CHRM3: variants seen among roughly 807,000 people sequenced by gnomAD.
CHRM3 encodes muscarinic acetylcholine receptor M3.
A neutral mutation model predicts 41.8 loss-of-function variants in CHRM3; 11 were observed. The ratio of observed to expected loss-of-function variants is 0.26; its 90% CI spans 0.17 to 0.44. The LOEUF (loss-of-function observed/expected upper bound fraction) is 0.44. Among genes scored for constraint, CHRM3 ranks in the 20% least tolerant of loss-of-function variants. The pLI is 1.00. For missense variants in CHRM3, 571 were observed against 745.4 expected (o/e 0.77, Z 2.72); for synonymous variants, 297 against 301.4 (o/e 0.99, Z 0.15).
At chr1:239,634,552 T>A (rs187437074) in intron 4 of CHRM3, among the ~76,000 whole-genome samples, 1 of 151,892 alleles carries the variant, frequency 6.6e-6, no homozygotes, top group Admixed American at 6.5e-5. Flanking sequence ...CTTTTCTTTT[T>A]TTTTTTGAAA....
At chr1:239,654,239 G>A (rs1271420653) in intron 4 of CHRM3, among the ~76,000 whole-genome samples, 2 of 152,146 alleles carry the variant, frequency 1.3e-5, no homozygotes, top group Admixed American at 6.5e-5. Flanking sequence ...TAAATCCTGG[G>A]ATTACAGGTG....
intron 2 of CHRM3, among the ~76,000 whole-genome samples, chr1:239,516,660 A>G (rs890022678): frequency 7.9e-5 from 12 of 152,186 alleles, no homozygotes; most frequent in African/African-American, 2.9e-4. Flanking sequence ...GGGAAGATTA[A>G]TGCAGGGCCC....
chr1:239,787,077 A>G (rs1668963643), intron 5 of CHRM3, among the ~76,000 whole-genome samples: 1 of 152,206 alleles, frequency 6.6e-6, no homozygotes. Context: ...TGAGAAAAAA[A>G]TTCAAATCTA....
At chr1:239,788,040 G>A (rs1034244446) in intron 5 of CHRM3, among the ~76,000 whole-genome samples, 1 of 152,050 alleles carries the variant, frequency 6.6e-6, no homozygotes, top group South Asian at 2.1e-4. Context: ...GAAAAGACTA[G>A]CCTGGGCAAC....
At chr1:239,518,887 G>T (rs1211463997) in intron 2 of CHRM3, among the ~76,000 whole-genome samples, 1 of 152,128 alleles carries the variant, frequency 6.6e-6, no homozygotes, top group Non-Finnish European at 1.5e-5. Context: ...TAATGTATTT[G>T]CATTGTACAA....
At chr1:239,535,741 C>A (rs557885830) in intron 2 of CHRM3, among the ~76,000 whole-genome samples, 1 of 152,098 alleles carries the variant, frequency 6.6e-6, no homozygotes, top group South Asian at 2.1e-4. Context: ...GCTCTTGAAA[C>A]TTCTGAAGCT....
chr1:239,773,582 G>A (rs1225379391), intron 5 of CHRM3, among the ~76,000 whole-genome samples: 1 of 152,108 alleles, frequency 6.6e-6, no homozygotes, highest in African/African-American at 2.4e-5. Context: ...CCACATTCCA[G>A]GCAGGAATGA....
chr1:239,771,759 T>G (rs1472642784), intron 5 of CHRM3, among the ~76,000 whole-genome samples: 1 of 152,236 alleles, frequency 6.6e-6, no homozygotes, highest in African/African-American at 2.4e-5. Context: ...CAAATGGGTG[T>G]GGCTGTCTTC....
chr1:239,456,069 G>T (rs1462030287), intron 1 of CHRM3, among the ~76,000 whole-genome samples: 4 of 152,164 alleles, frequency 2.6e-5, no homozygotes, highest in Non-Finnish European at 4.4e-5. Context: ...CAGGAACTAG[G>T]GAGGGGCAAG....
intron 1 of CHRM3, among the ~76,000 whole-genome samples, chr1:239,457,966 A>G (rs1266708620): frequency 6.6e-6 from 1 of 152,140 alleles, no homozygotes; most frequent in Non-Finnish European, 1.5e-5. Context: ...GGGAAGGTAG[A>G]AATTTGTGGG....
At chr1:239,736,947 A>G (rs1020318919) in intron 5 of CHRM3, among the ~76,000 whole-genome samples, 2 of 152,196 alleles carry the variant, frequency 1.3e-5, no homozygotes, top group African/African-American at 4.8e-5. Context: ...ATATACTTAT[A>G]TAACACATTT....
chr1:239,417,194 G>A (rs1226526894), intron 1 of CHRM3, among the ~76,000 whole-genome samples: 2 of 152,200 alleles, frequency 1.3e-5, no homozygotes, highest in South Asian at 4.1e-4. Context: ...GTGAATATGC[G>A]TTGCTCACAC....
intron 4 of CHRM3, among the ~76,000 whole-genome samples, chr1:239,641,601 TG>T (rs1671160229): frequency 6.8e-6 from 1 of 147,616 alleles, no homozygotes. Flanking sequence ...TGCCTTTTTT[TG>T]TTTTCCATTT....
intron 1 of CHRM3, among the ~76,000 whole-genome samples, chr1:239,445,374 G>A (rs1014808881): frequency 1.3e-5 from 2 of 152,162 alleles, no homozygotes; most frequent in Non-Finnish European, 2.9e-5. Context: ...GTGATCAGCC[G>A]TGTGGCAGAG....
chr1:239,474,861 TA>T (rs1666363455), intron 1 of CHRM3, among the ~76,000 whole-genome samples: 1 of 152,108 alleles, frequency 6.6e-6, no homozygotes, highest in Non-Finnish European at 1.5e-5. Context: ...TCACTTTTTT[TA>T]AAATCATGAA....
intron 6 of CHRM3, among the ~76,000 whole-genome samples, chr1:239,900,393 T>C (rs74932013): frequency 6.6e-6 from 1 of 151,530 alleles, no homozygotes; most frequent in African/African-American, 2.4e-5. Flanking sequence ...TTTTTTTTTT[T>C]TTGAAATCCT....
At chr1:239,474,082 T>C (rs1666310991) in intron 1 of CHRM3, among the ~76,000 whole-genome samples, 1 of 152,018 alleles carries the variant, frequency 6.6e-6, no homozygotes, top group Non-Finnish European at 1.5e-5. Context: ...CATTATCATA[T>C]ATAATGACAT....
chr1:239,660,364 G>A (rs1014863077), intron 4 of CHRM3, among the ~76,000 whole-genome samples: 1 of 151,752 alleles, frequency 6.6e-6, no homozygotes, highest in Non-Finnish European at 1.5e-5. Context: ...TGTATTATAC[G>A]ATCTCCTCAG....
At chr1:239,423,571 A>C (rs911219276) in intron 1 of CHRM3, among the ~76,000 whole-genome samples, 8 of 152,188 alleles carry the variant, frequency 5.3e-5, no homozygotes, top group African/African-American at 1.9e-4. Flanking sequence ...ACCATGCATT[A>C]TATATTTGAG....
Sources: allele counts gnomAD v4.1 joint callset (sites outside exome capture counted in the v4.1 genomes callset), GRCh38; gene constraint gnomAD v4.1.1; transcripts MANE v1.5; gene names NCBI Gene and HGNC (gene_info 2026-07-23, HGNC 2026-07-21).